ATP9A: variants seen among roughly 807,000 people sequenced by gnomAD.
The protein encoded by ATP9A is probable phospholipid-transporting ATPase IIA.
In ATP9A, 52 loss-of-function variants were observed where a neutral mutation model predicts 144.1. That is an observed-to-expected ratio of 0.36 (90% CI 0.29 to 0.45). The LOEUF is 0.45. Among genes scored for constraint, ATP9A ranks in the 20% least tolerant of loss-of-function variants. The pLI is 1.00. For synonymous variants in ATP9A, 582 were observed against 557.4 expected, an observed-to-expected ratio of 1.04 and a Z score of -0.62; for missense variants, 947 against 1,392.7, an observed-to-expected ratio of 0.68 and a Z score of 5.09.
chr20:51,625,021 A>G (rs1196598843), intron 18 of ATP9A, among the ~76,000 whole-genome samples, 171 bp downstream of exon 18: 1 of 151,600 alleles, frequency 6.6e-6, no homozygotes, highest in Non-Finnish European at 1.5e-5. Flanking sequence ...AAAAAAAAAA[A>G]AAAAATCACA....
At chr20:51,746,141 A>T (rs2077807088) in intron 1 of ATP9A, among the ~76,000 whole-genome samples, 1 of 152,168 alleles carries the variant, frequency 6.6e-6, no homozygotes, top group African/African-American at 2.4e-5. Flanking sequence ...ACTTACAGGC[A>T]CAAAGAAGGG....
intron 17 of ATP9A, among the ~76,000 whole-genome samples, chr20:51,626,935 T>C (rs770912306): frequency 6.6e-6 from 1 of 151,604 alleles, no homozygotes; most frequent in Admixed American, 6.6e-5. Context: ...CGGGCAACTG[T>C]AATCCCAGCT....
chr20:51,722,063 AAAAC>A (rs1178023667), intron 3 of ATP9A, among the ~76,000 whole-genome samples: 10 of 152,286 alleles, frequency 6.6e-5, no homozygotes, highest in African/African-American at 2.2e-4. Context: ...GCTCTTCAAC[AAAAC>A]AAACAAAAAC....
intron 4 of ATP9A, among the ~76,000 whole-genome samples, chr20:51,704,600 G>A (rs1242707710): frequency 6.6e-6 from 1 of 152,064 alleles, no homozygotes; most frequent in African/African-American, 2.4e-5. Flanking sequence ...GACTGACATG[G>A]AGAAACACCG....
At chr20:51,604,348 A>G (rs980781604) in intron 27 of ATP9A, among the ~76,000 whole-genome samples, 4 of 152,140 alleles carry the variant, frequency 2.6e-5, no homozygotes, top group Non-Finnish European at 5.9e-5. Flanking sequence ...AGCAGATTGT[A>G]TTCTGAGATC....
chr20:51,684,983 C>T (rs1384512449), intron 9 of ATP9A, among the ~76,000 whole-genome samples: 7 of 149,610 alleles, frequency 4.7e-5, no homozygotes, highest in Non-Finnish European at 3.0e-5. Context: ...TGACCTCTAG[C>T]CCGGACCACT....
chr20:51,716,525 G>A (rs1191340984), intron 3 of ATP9A, among the ~76,000 whole-genome samples: 1 of 150,212 alleles, frequency 6.7e-6, no homozygotes, highest in Non-Finnish European at 1.5e-5. Flanking sequence ...ATGGTGGCTC[G>A]TGCTATGGTC....
chr20:51,713,865 G>C (rs1413724266), intron 3 of ATP9A, among the ~76,000 whole-genome samples: 2 of 152,196 alleles, frequency 1.3e-5, no homozygotes, highest in Non-Finnish European at 2.9e-5. Flanking sequence ...AATTAGGATA[G>C]GGAGGGACTG....
At chr20:51,661,840 G>C (rs182728462) in intron 13 of ATP9A, among the ~76,000 whole-genome samples, 1 of 152,240 alleles carries the variant, frequency 6.6e-6, no homozygotes, top group African/African-American at 2.4e-5. Flanking sequence ...GGCTGATTAA[G>C]TGACTAAGTA....
chr20:51,637,018 G>A (rs1568796343), intron 15 of ATP9A, among the ~76,000 whole-genome samples: 2 of 152,202 alleles, frequency 1.3e-5, no homozygotes, highest in Non-Finnish European at 2.9e-5. Flanking sequence ...TTGAACTTGG[G>A]AGGTGGAGGT....
intron 13 of ATP9A, among the ~76,000 whole-genome samples, chr20:51,659,206 T>G (rs1473572487): frequency 6.6e-6 from 1 of 152,156 alleles, no homozygotes; most frequent in Non-Finnish European, 1.5e-5. Flanking sequence ...TTCATGGCAC[T>G]CCACTTGCCT....
intron 13 of ATP9A, among the ~76,000 whole-genome samples, chr20:51,658,606 G>A (rs1373660349): frequency 1.5e-5 from 2 of 137,116 alleles, no homozygotes; most frequent in African/African-American, 2.7e-5. Flanking sequence ...TGCAATCTCC[G>A]CCTCCTGGGT....
intron 11 of ATP9A, among the ~76,000 whole-genome samples, chr20:51,672,775 A>C (rs2077461479): frequency 6.6e-6 from 1 of 152,220 alleles, no homozygotes; most frequent in Admixed American, 6.6e-5. Context: ...AGAAGCAAAC[A>C]GAACAATATG....
chr20:51,653,702 G>A (rs1421990591), intron 14 of ATP9A, among the ~76,000 whole-genome samples: 1 of 151,756 alleles, frequency 6.6e-6, no homozygotes, highest in African/African-American at 2.4e-5. Context: ...CATGAGAATC[G>A]CTTGAACCCG....
intron 9 of ATP9A, among the ~76,000 whole-genome samples, chr20:51,681,207 T>C (rs2077498306): frequency 6.6e-6 from 1 of 152,214 alleles, no homozygotes; most frequent in Admixed American, 6.5e-5. Flanking sequence ...GTTAAGAGAA[T>C]GGCAGCAAAA....
intron 8 of ATP9A, 78 bp downstream of exon 8, chr20:51,690,661 T>G: frequency 8.1e-7 from 1 of 1,228,618 alleles, no homozygotes; most frequent in Non-Finnish European, 1.2e-6. Flanking sequence ...GACAAAGAAC[T>G]GTCAGTACTT....
chr20:51,714,531 C>T lies in ATP9A; in HGVS notation c.328-1457G>A, dbSNP rs549181993. On this transcript the variant is annotated intron_variant, in intron 3 of 27. Coordinates refer to ENST00000338821, the MANE Select transcript of ATP9A (RefSeq NM_006045.3). ...CCAGTAGCTGGTATTACATGCCCAC[C>T]TAATTTTTGTATTTTTACTAGAGAC... Among the ~76,000 whole-genome samples the T allele has an allele frequency of 2.8e-4, 43 of 152,226 alleles. No homozygotes were observed. In the South Asian group the frequency reaches 7.9e-3, roughly 28 times the overall value.
At chr20:51,724,283 A>G (rs1049865708) in intron 3 of ATP9A, among the ~76,000 whole-genome samples, 2 of 152,182 alleles carry the variant, frequency 1.3e-5, no homozygotes, top group Admixed American at 1.3e-4. Context: ...TGCATTTCAT[A>G]ATACCTCAGT....
At chr20:51,692,024 T>C (rs1309303462) in intron 7 of ATP9A, among the ~76,000 whole-genome samples, 1 of 152,170 alleles carries the variant, frequency 6.6e-6, no homozygotes, top group East Asian at 1.9e-4. Flanking sequence ...ATTCCACTTA[T>C]AGGAGGAACT....
Sources: gnomAD v4.1 joint callset for allele counts (sites outside exome capture counted in the v4.1 genomes callset) on GRCh38, gnomAD v4.1.1 for gene constraint, MANE v1.5 for transcripts, NCBI Gene and HGNC (gene_info 2026-07-23, HGNC 2026-07-21) for gene names.